The following RAF1 variants were observed in gnomAD, a reference collection of about 807,000 sequenced individuals.
The protein encoded by RAF1 is RAF proto-oncogene serine/threonine-protein kinase.
In RAF1, 27 loss-of-function variants were observed where a neutral mutation model predicts 81.1. The ratio of observed to expected loss-of-function variants is 0.33; its 90% CI spans 0.25 to 0.46. The LOEUF is 0.46. Among genes scored for constraint, RAF1 ranks in the 20% least tolerant of loss-of-function variants. RAF1 has a pLI of 1.00. For missense variants in RAF1, 598 were observed against 826.0 expected (o/e 0.72, Z 3.38); for synonymous variants, 298 against 294.0 (o/e 1.01, Z -0.14).
intron 5 of RAF1, among the ~76,000 whole-genome samples, chr3:12,607,639 C>A (rs1396212359): frequency 6.6e-6 from 1 of 151,422 alleles, no homozygotes; most frequent in Non-Finnish European, 1.5e-5. Context: ...CAGAGCGAGA[C>A]CCTGTCTTTA....
intron 13 of RAF1, chr3:12,587,859 A>G (rs1417728948): frequency 7.8e-6 from 2 of 257,070 alleles, no homozygotes; most frequent in African/African-American, 5.0e-5. Flanking sequence ...TTTTTTGGAG[A>G]CTGGAGTGCA....
intron 6 of RAF1, among the ~76,000 whole-genome samples, chr3:12,605,964 G>A (rs2059014791): frequency 1.3e-5 from 2 of 152,154 alleles, no homozygotes; most frequent in African/African-American, 4.8e-5. Context: ...TAAGAAATAT[G>A]CTATGATAAC....
intron 1 of RAF1, among the ~76,000 whole-genome samples, chr3:12,629,024 A>C (rs920278806): frequency 1.3e-5 from 2 of 152,138 alleles, no homozygotes; most frequent in African/African-American, 4.8e-5. Context: ...GATTATAGGC[A>C]TGAGCTACCA....
At chr3:12,614,591 A>C (rs983786104) in intron 2 of RAF1, among the ~76,000 whole-genome samples, 5 of 144,322 alleles carry the variant, frequency 3.5e-5, no homozygotes, top group African/African-American at 1.3e-4. Flanking sequence ...ACTTCTAGCT[A>C]ATGTTTTTTT....
intron 11 of RAF1, among the ~76,000 whole-genome samples, chr3:12,595,312 T>C (rs370692954): frequency 6.6e-6 from 1 of 152,118 alleles, no homozygotes; most frequent in Admixed American, 6.5e-5. Flanking sequence ...CTTCAAGTGA[T>C]TCTCCCACCT....
Position 12,623,037 on chromosome 3 carries a change from T to G in RAF1, c.-26-4290A>C, listed in dbSNP as rs182935879. ...AATTTTAATTACAAAAACAGTATTT[T>G]GTTTTCCAGCAAGATGAACTGTAAT... On this transcript the variant is annotated intron_variant, in intron 1 of 17. Transcript: ENST00000442415. Among the ~76,000 whole-genome samples, 89 of 152,304 alleles carry G rather than the reference T, an allele frequency of 5.8e-4. 2 individuals are homozygous for G. In the East Asian group the frequency reaches 0.015, roughly 26 times the overall value.
chr3:12,619,245 AAAAACAAAAC>A (rs369992000), intron 1 of RAF1, among the ~76,000 whole-genome samples: 2 of 151,570 alleles, frequency 1.3e-5, no homozygotes, highest in Admixed American at 6.6e-5. Context: ...ACTCCACCTC[AAAAACAAAAC>A]AAAACAAAAC....
In RAF1 at chr3:12,599,495, T is replaced by G. The variant is rs5746228; in HGVS notation, c.1168+196A>C. 5.6e-3 allele frequency among the ~76,000 whole-genome samples: 859 copies of G among 152,324 alleles called. 4 individuals carry two copies. Among genetic ancestry groups the G allele is most frequent in the African/African-American group, 0.019 (784 of 41,562 alleles). ...GGCTCAAGTCTTATTCACTAATTTC[T>G]AATTATCCTGGGAGCTTTATAAGAA... On this transcript the variant is annotated intron_variant, in intron 11 of 17. Transcript: ENST00000442415.
rs1575564889 is a variant in RAF1, at chr3:12,600,194, T to C, written c.1008A>G (p.Arg336=). The C allele has an allele frequency of 3.1e-6, 5 of 1,614,242 alleles. No individual in the cohort carries two copies. The highest frequency in any genetic ancestry group is 8.5e-7 in the Non-Finnish European group (1 of 1,180,040). ...GGGTCCCAGATACTGGTGCCCGCTC[T>C]CTTTGTGCTGGCACGGGGGTTTTCG... Residue 336 remains arginine (R), a synonymous_variant, in exon 10 of 18, where the codon AGA becomes AGG. Coordinates refer to ENST00000442415, the MANE Select transcript of RAF1 (RefSeq NM_001354689.3).
chr3:12,618,581 T>C lies in RAF1; in HGVS notation c.141A>G (p.Lys47=). ...TGCTTGTCTTAGAAGGATCTGTGAG[T>C]TTGCCATCATCTGATGCCCGGCGCT... Residue 47 remains lysine, a synonymous_variant, in exon 2 of 18, where the codon AAA becomes AAG. Transcript: ENST00000442415. 6.2e-7 allele frequency: 1 copy of C among 1,614,102 alleles called. No homozygotes were observed. The highest frequency in any genetic ancestry group is 8.5e-7 in the Non-Finnish European group (1 of 1,180,038).
intron 8 of RAF1, among the ~76,000 whole-genome samples, chr3:12,601,479 A>G (rs1270525011): frequency 6.6e-6 from 1 of 152,226 alleles, no homozygotes; most frequent in African/African-American, 2.4e-5. Flanking sequence ...TCTAAAATTC[A>G]TCGCTTGGAA....
intron 1 of RAF1, among the ~76,000 whole-genome samples, chr3:12,631,179 G>C (rs1414032906): frequency 9.9e-5 from 15 of 151,998 alleles, no homozygotes; most frequent in Admixed American, 3.3e-4. Context: ...GGCCAGGCGT[G>C]GTGGCTCACT....
chr3:12,613,991 A>G (rs970449898), intron 2 of RAF1, among the ~76,000 whole-genome samples: 20 of 152,220 alleles, frequency 1.3e-4, no homozygotes, highest in African/African-American at 4.3e-4. Context: ...CCAAACGAAA[A>G]AAGTTCCTTT....
rs748478768 is a variant in RAF1 at position 12,604,123 on chromosome 3, G to A, written c.834+13C>T. On this transcript the variant is annotated intron_variant, in intron 7 of 17. Transcript: ENST00000442415. ...AATTGACTGACATTACCACCCCCAA[G>A]GTGCCCTATTACCTCAATCATCCTG... 24 of 1,613,872 alleles carry A rather than the reference G, an allele frequency of 1.5e-5. No homozygotes were observed. The highest frequency in any genetic ancestry group is 1.9e-5 in the Non-Finnish European group (22 of 1,179,972).
At position 12,586,486 on chromosome 3, in the gene RAF1, C is replaced by T. The variant is rs5746237; in HGVS notation, c.1478-687G>A. ...TGATGTTGGTGCCCAGGAATTCACACCTCCTTAAATCTGTGGTGTCTGCTT... is the reference window on the plus strand; with the variant it reads ...TGATGTTGGTGCCCAGGAATTCACATCTCCTTAAATCTGTGGTGTCTGCTT... On this transcript the variant is annotated intron_variant, in intron 14 of 17. Transcript: ENST00000442415. Among the ~76,000 whole-genome samples, 812 of 152,260 alleles carry T rather than the reference C, an allele frequency of 5.3e-3. 1 individual carries two copies. The highest frequency in any genetic ancestry group is 0.012 in the South Asian group (59 of 4,818).
At chr3:12,662,095 G>C (rs949362677) in intron 1 of RAF1, among the ~76,000 whole-genome samples, 1 of 151,692 alleles carries the variant, frequency 6.6e-6, no homozygotes, top group African/African-American at 2.4e-5. Flanking sequence ...TTGGGAGGGA[G>C]AGGTGGAAGC....
intron 1 of RAF1, among the ~76,000 whole-genome samples, chr3:12,635,014 T>A (rs896192662): frequency 7.9e-5 from 12 of 152,108 alleles, no homozygotes; most frequent in Non-Finnish European, 1.6e-4. Flanking sequence ...TGCTAGTATA[T>A]GTTTAATACT....
chr3:12,638,391 G>A (rs2060089806), intron 1 of RAF1, among the ~76,000 whole-genome samples: 1 of 152,176 alleles, frequency 6.6e-6, no homozygotes, highest in South Asian at 2.1e-4. Flanking sequence ...GAATCAGCAT[G>A]GAGTAATTGT....
At chr3:12,661,890 A>C (rs771530646) in intron 1 of RAF1, among the ~76,000 whole-genome samples, 4 of 151,508 alleles carry the variant, frequency 2.6e-5, no homozygotes, top group Non-Finnish European at 4.4e-5. Context: ...ACACTTATCA[A>C]AAATGTTCTG....
Sources: allele counts gnomAD v4.1 joint callset (sites outside exome capture counted in the v4.1 genomes callset), GRCh38; gene constraint gnomAD v4.1.1; transcripts MANE v1.5; gene names NCBI Gene and HGNC (gene_info 2026-07-23, HGNC 2026-07-21).